The following RAD51B variants were observed in gnomAD, a reference collection of about 807,000 sequenced individuals.
RAD51B encodes RAD51 paralog B.
Under a neutral mutation model 42.2 loss-of-function variants are expected in RAD51B, and 38 were observed. The observed-to-expected ratio is 0.90, with a 90% confidence interval of 0.70 to 1.18. The LOEUF is 1.18. Ranked by LOEUF, RAD51B falls within the 50% of genes most tolerant of loss-of-function variation. RAD51B has a pLI of 0.00. For missense variants in RAD51B, 373 were observed against 400.7 expected (o/e 0.93, Z 0.59); for synonymous variants, 154 against 145.2 (o/e 1.06, Z -0.43).
At chr14:67,839,585 T>A (rs1006792558) in intron 4 of RAD51B, among the ~76,000 whole-genome samples, 2 of 152,110 alleles carry the variant, frequency 1.3e-5, no homozygotes, top group African/African-American at 4.8e-5. Flanking sequence ...AAAAATCTTG[T>A]CAGAAGTTTG....
chr14:68,611,452 C>T, exon 11 of RAD51B: 1 of 578,188 alleles, frequency 1.7e-6, no homozygotes, highest in Admixed American at 3.0e-5. Flanking sequence ...CACGTGAGAT[C>T]TCATTTCCTC....
chr14:68,388,459 T>G (rs2083658066), intron 8 of RAD51B, among the ~76,000 whole-genome samples: 1 of 152,136 alleles, frequency 6.6e-6, no homozygotes, highest in Admixed American at 6.6e-5. Flanking sequence ...AATCTTCCCA[T>G]GCCTTAGTTA....
At chr14:68,451,096 T>A (rs1329559073) in intron 9 of RAD51B, among the ~76,000 whole-genome samples, 2 of 152,220 alleles carry the variant, frequency 1.3e-5, no homozygotes, top group African/African-American at 4.8e-5. Flanking sequence ...TTCTATAGAA[T>A]GCTCAGCCTG....
intron 7 of RAD51B, among the ~76,000 whole-genome samples, chr14:68,279,210 C>T (rs1038523803): frequency 6.6e-6 from 1 of 152,184 alleles, no homozygotes; most frequent in Non-Finnish European, 1.5e-5. Context: ...AGGAGGAGTC[C>T]ATGAGAAGGA....
chr14:67,853,509 C>T (rs1413378411), intron 4 of RAD51B, among the ~76,000 whole-genome samples: 9 of 151,992 alleles, frequency 5.9e-5, no homozygotes, highest in Admixed American at 1.3e-4. Context: ...TTCAAGCTGC[C>T]AAGTTTGTGG....
chr14:68,524,294 T>C (rs1003644980), intron 10 of RAD51B, among the ~76,000 whole-genome samples: 4 of 152,214 alleles, frequency 2.6e-5, no homozygotes, highest in African/African-American at 7.2e-5. Flanking sequence ...GATAAAAACA[T>C]GCACAAAATT....
chr14:68,185,671 G>A (rs541617272), intron 7 of RAD51B, among the ~76,000 whole-genome samples: 125 of 152,218 alleles, frequency 8.2e-4, no homozygotes, highest in African/African-American at 2.9e-3. Flanking sequence ...CCGTGGATGG[G>A]GGCGGGGGTG....
At chr14:67,954,599 G>T (rs528466245) in intron 7 of RAD51B, among the ~76,000 whole-genome samples, 6 of 152,172 alleles carry the variant, frequency 3.9e-5, no homozygotes, top group Non-Finnish European at 7.3e-5. Context: ...ATACTATGAT[G>T]TGGGTGAACT....
chr14:68,368,073 A>G (rs561593292), intron 8 of RAD51B, among the ~76,000 whole-genome samples: 8 of 152,364 alleles, frequency 5.3e-5, no homozygotes, highest in Admixed American at 2.0e-4. Context: ...GAATCAGTTT[A>G]CAGGTGATGT....
chr14:67,975,321 G>T (rs2074972525), intron 7 of RAD51B, among the ~76,000 whole-genome samples: 1 of 152,138 alleles, frequency 6.6e-6, no homozygotes, highest in Non-Finnish European at 1.5e-5. Flanking sequence ...CCTTTCAAAA[G>T]AAATTTATGC....
intron 11 of RAD51B, among the ~76,000 whole-genome samples, chr14:68,657,807 A>T (rs1892848655): frequency 6.6e-6 from 1 of 152,158 alleles, no homozygotes; most frequent in Non-Finnish European, 1.5e-5. Flanking sequence ...CATCAGCTTC[A>T]TGCTTCATAA....
intron 5 of RAD51B, among the ~76,000 whole-genome samples, chr14:67,876,435 A>G (rs1284770740): frequency 6.6e-6 from 1 of 152,192 alleles, no homozygotes; most frequent in Non-Finnish European, 1.5e-5. Context: ...TTGCTCCTTA[A>G]TTGACATATG....
intron 7 of RAD51B, among the ~76,000 whole-genome samples, chr14:67,998,754 A>G (rs751928651): frequency 2.6e-5 from 4 of 152,176 alleles, no homozygotes; most frequent in Non-Finnish European, 4.4e-5. Context: ...TGCTCTAGAT[A>G]TTCAATGAGG....
intron 4 of RAD51B, among the ~76,000 whole-genome samples, chr14:67,839,300 G>A (rs2041348119): frequency 6.6e-6 from 1 of 152,012 alleles, no homozygotes; most frequent in Non-Finnish European, 1.5e-5. Flanking sequence ...CTGAAAAATT[G>A]TCTGATCTTG....
intron 7 of RAD51B, among the ~76,000 whole-genome samples, chr14:68,197,584 AG>A (rs936461663): frequency 5.9e-5 from 9 of 152,188 alleles, no homozygotes; most frequent in Non-Finnish European, 2.9e-5. Flanking sequence ...TTTCCAAAGT[AG>A]GTTATACAAA....
chr14:67,931,026 T>C (rs2044712545), intron 7 of RAD51B, among the ~76,000 whole-genome samples: 1 of 152,060 alleles, frequency 6.6e-6, no homozygotes, highest in Non-Finnish European at 1.5e-5. Flanking sequence ...ATTCATGCCA[T>C]TCTCCTGCCT....
chr14:68,680,843 T>C (rs541312334), intron 11 of RAD51B, among the ~76,000 whole-genome samples: 1 of 152,156 alleles, frequency 6.6e-6, no homozygotes, highest in East Asian at 1.9e-4. Flanking sequence ...CCAGAGGCGT[T>C]CATAATGTAA....
At position 68,665,234 on chromosome 14, in the gene RAD51B, G is replaced by A. The variant is rs199885230; in HGVS notation, c.*11+14378G>A. On this transcript the variant is annotated intron_variant, in intron 11 of 11. Transcript: ENST00000488612. ...CTGGCCCCGGAGGGCAATGCCATGGGAAGGTGACCTCGTCACAGGCCTGGG... is the reference window on the plus strand; with the variant it reads ...CTGGCCCCGGAGGGCAATGCCATGGAAAGGTGACCTCGTCACAGGCCTGGG... Among the ~76,000 whole-genome samples the A allele has an allele frequency of 2.6e-4, 39 of 152,386 alleles. No homozygotes were observed. In the East Asian group the frequency reaches 4.4e-3, roughly 17 times the overall value.
Position 68,363,575 on chromosome 14 carries a change from TC to T in RAD51B, c.854-47847del. Reference sequence around the variant, plus strand: ...CTCCTCATTGGAGTGTGCAGGGCTCTCCTGCGGCGGCGCCCACTCTGTGTCC... The same window carrying T: ...CTCCTCATTGGAGTGTGCAGGGCTCTCTGCGGCGGCGCCCACTCTGTGTCC... On this transcript the variant is annotated intron_variant, in intron 8 of 10. Transcript: ENST00000471583. Among the ~76,000 whole-genome samples the T allele has an allele frequency of 3.3e-5, 5 of 152,332 alleles. No homozygotes were observed. The Middle Eastern group carries it at 0.014, about 415-fold the overall frequency.
Sources: gnomAD v4.1 joint callset for allele counts (sites outside exome capture counted in the v4.1 genomes callset) on GRCh38, gnomAD v4.1.1 for gene constraint, MANE v1.5 for transcripts, NCBI Gene and HGNC (gene_info 2026-07-23, HGNC 2026-07-21) for gene names.